PPARGC1A: variants seen among roughly 807,000 people sequenced by gnomAD.
PPARGC1A encodes the protein peroxisome proliferator-activated receptor gamma coactivator 1-alpha.
In PPARGC1A, 25 loss-of-function variants were observed where a neutral mutation model predicts 88.7. The observed-to-expected ratio is 0.28, with a 90% CI of 0.21 to 0.39. The LOEUF (loss-of-function observed/expected upper bound fraction) is 0.39, where lower values mean the gene tolerates loss of function less well. Among genes scored for constraint, PPARGC1A ranks in the 10% least tolerant of loss-of-function variants. The probability of loss-of-function intolerance (pLI) is 1.00; values close to 1 mark genes in which losing one functional copy is unlikely to be tolerated. For synonymous variants in PPARGC1A, 363 were observed against 355.6 expected (o/e 1.02, Z -0.24); for missense variants, 880 against 968.7 (o/e 0.91, Z 1.22).
chr4:23,812,553 T>C (rs1316510224), intron 10 of PPARGC1A, among the ~76,000 whole-genome samples, 194 bp downstream of exon 10: 1 of 152,162 alleles, frequency 6.6e-6, no homozygotes, highest in Non-Finnish European at 1.5e-5. Flanking sequence ...TATACTGACT[T>C]AAACATTTTG....
intron 10 of PPARGC1A, among the ~76,000 whole-genome samples, chr4:23,804,430 G>A (rs537972845): frequency 1.3e-5 from 2 of 151,854 alleles, no homozygotes; most frequent in Non-Finnish European, 2.9e-5. Flanking sequence ...TCTCTTTCTG[G>A]ACTAGTATAA....
the PPARGC1A span, among the ~76,000 whole-genome samples, chr4:24,282,054 A>T: frequency 6.7e-6 from 1 of 150,252 alleles, no homozygotes; most frequent in East Asian, 1.9e-4. Flanking sequence ...TGTTTATTAC[A>T]TCAATAAACA....
In PPARGC1A at chr4:23,831,693, C is replaced by A; in HGVS notation, c.293G>T (p.Ser98Ile). ...CAATCCGTCTTCATCCACAGGGAGACTGTCTAGTGTCTCTGTGAGGACTGC... is the reference window on the plus strand; with the variant it reads ...CAATCCGTCTTCATCCACAGGGAGAATGTCTAGTGTCTCTGTGAGGACTGC... ...LLAVLTETLD[S>I]LPVDEDGLPS... is the part of the protein sequence containing the mutation. Residue 98 changes from serine to isoleucine, a missense_variant, in exon 3 of 13, where the codon AGT becomes ATT. Ser to Ile is a moderately radical substitution (Grantham distance 142). Coordinates refer to ENST00000264867, the MANE Select transcript of PPARGC1A (RefSeq NM_013261.5). 4.3e-6 allele frequency: 7 copies of A among 1,614,012 alleles called. No homozygotes were observed. Among genetic ancestry groups the A allele is most frequent in the Non-Finnish European group, 5.9e-6 (7 of 1,179,894 alleles).
chr4:23,804,034 G>C (rs952146594), intron 10 of PPARGC1A, among the ~76,000 whole-genome samples: 1 of 152,106 alleles, frequency 6.6e-6, no homozygotes, highest in African/African-American at 2.4e-5. Flanking sequence ...ACCAATGTCT[G>C]GTCTTATTCT....
the PPARGC1A span, among the ~76,000 whole-genome samples, chr4:23,926,260 C>T: frequency 6.6e-6 from 1 of 152,146 alleles, no homozygotes; most frequent in Non-Finnish European, 1.5e-5. Context: ...AGGACCAGAA[C>T]ACTCAAAATA....
chr4:23,826,092 A>G (rs58848612), intron 5 of PPARGC1A, among the ~76,000 whole-genome samples: 5,722 of 152,122 alleles, frequency 0.038, 115 homozygotes, highest in Middle Eastern at 0.058. Context: ...TCAAAGGAAG[A>G]CTCTCGAATT....
At chr4:24,385,677 G>A in the PPARGC1A span, among the ~76,000 whole-genome samples, 37,257 of 151,828 alleles carry the variant, frequency 0.25, 5,070 homozygotes, top group African/African-American at 0.37. Flanking sequence ...ATACACCCTC[G>A]CAAGACTAAA....
the PPARGC1A span, among the ~76,000 whole-genome samples, chr4:24,270,323 C>CTGTGTGTGTGTGTGTG: frequency 3.7e-5 from 2 of 54,786 alleles, no homozygotes; most frequent in African/African-American, 1.5e-4. Flanking sequence ...CTCTCTCTCT[C>CTGTGTGTGTGTGTGTG]TCTCTCTCTC....
At chr4:24,397,626 G>A in the PPARGC1A span, among the ~76,000 whole-genome samples, 14 of 152,108 alleles carry the variant, frequency 9.2e-5, no homozygotes, top group East Asian at 2.1e-3. Context: ...GATGACTAGC[G>A]CTCCAGCAGC....
At chr4:24,031,639 A>C in the PPARGC1A span, among the ~76,000 whole-genome samples, 1 of 152,100 alleles carries the variant, frequency 6.6e-6, no homozygotes, top group African/African-American at 2.4e-5. Flanking sequence ...TGTCCTACAC[A>C]TTGTTCGATG....
the PPARGC1A span, among the ~76,000 whole-genome samples, chr4:24,071,819 T>C: frequency 1.3e-5 from 2 of 152,160 alleles, no homozygotes; most frequent in African/African-American, 4.8e-5. Flanking sequence ...GTCTGAACTT[T>C]GGTTTCTTTT....
chr4:23,824,149 A>T, intron 7 of PPARGC1A, 131 bp downstream of exon 7: 1 of 738,294 alleles, frequency 1.4e-6, no homozygotes, highest in Non-Finnish European at 2.2e-6. Flanking sequence ...ATTTGCAGAT[A>T]ACTTCTTATC....
upstream of PPARGC1A, among the ~76,000 whole-genome samples, chr4:23,893,146 G>A (rs548236575): frequency 2.8e-4 from 43 of 151,140 alleles, no homozygotes; most frequent in African/African-American, 1.0e-3. Context: ...ATTAGTAGAG[G>A]CAGGAGAATC....
the PPARGC1A span, among the ~76,000 whole-genome samples, chr4:23,926,679 A>G: frequency 6.6e-6 from 1 of 152,126 alleles, no homozygotes; most frequent in African/African-American, 2.4e-5. Context: ...TCATTTCCCA[A>G]ATCCTTTTTC....
intron 7 of PPARGC1A, among the ~76,000 whole-genome samples, chr4:23,816,491 T>C (rs1409634801): frequency 1.3e-5 from 2 of 152,184 alleles, no homozygotes; most frequent in African/African-American, 4.8e-5. Flanking sequence ...TCATGCATAC[T>C]GATTTCTTCT....
At position 23,808,573 on chromosome 4, in the gene PPARGC1A, C is replaced by T. The variant is rs570389510; in HGVS notation, c.2019+4174G>A. 1.1e-4 allele frequency among the ~76,000 whole-genome samples: 16 copies of T among 152,246 alleles called. No individual in the cohort carries two copies. In the South Asian group the frequency reaches 2.9e-3, roughly 28 times the overall value. On this transcript the variant is annotated intron_variant, in intron 10 of 12. Coordinates refer to ENST00000264867, the MANE Select transcript of PPARGC1A (RefSeq NM_013261.5). ...GCAGTGACAGTTTAGACACTAAGTA[C>T]TAAACTCTGGTTTGCAGAGTCCCAA...
the PPARGC1A span, among the ~76,000 whole-genome samples, chr4:23,978,086 C>T: frequency 6.6e-6 from 1 of 152,298 alleles, no homozygotes; most frequent in South Asian, 2.1e-4. Context: ...CACCCCCAGC[C>T]TCCAAATGTC....
upstream of PPARGC1A, among the ~76,000 whole-genome samples, chr4:23,909,011 A>C (rs866510035): frequency 4.3e-4 from 65 of 152,330 alleles, no homozygotes; most frequent in Middle Eastern, 3.4e-3. Flanking sequence ...AGTAAATAGA[A>C]GATCCAACAT....
At chr4:24,102,895 C>A in the PPARGC1A span, among the ~76,000 whole-genome samples, 2 of 152,138 alleles carry the variant, frequency 1.3e-5, no homozygotes, top group Non-Finnish European at 2.9e-5. Flanking sequence ...AACAACACTG[C>A]GAATCAGGAG....
Sources: gnomAD v4.1 joint callset for allele counts (sites outside exome capture counted in the v4.1 genomes callset) on GRCh38, gnomAD v4.1.1 for gene constraint, MANE v1.5 for transcripts, NCBI Gene and HGNC (gene_info 2026-07-23, HGNC 2026-07-21) for gene names.